The following TGFBR3 variants were observed in gnomAD, a reference collection of about 807,000 sequenced individuals.
TGFBR3 encodes the protein transforming growth factor beta receptor type 3.
TGFBR3 carries 46 observed loss-of-function variants against 87.9 expected under a neutral mutation model. The observed-to-expected ratio is 0.52, with a 90% CI of 0.41 to 0.67. The LOEUF (loss-of-function observed/expected upper bound fraction) is 0.67, where lower values mean the gene tolerates loss of function less well. TGFBR3 is among the 30% of genes least tolerant of loss of function. The pLI is 0.00. For missense variants in TGFBR3, 866 were observed against 1,041.9 expected (o/e 0.83, Z 2.32); for synonymous variants, 381 against 391.6 (o/e 0.97, Z 0.32).
chr1:91,872,706 G>T (rs1034572508), intron 1 of TGFBR3, among the ~76,000 whole-genome samples: 2 of 152,122 alleles, frequency 1.3e-5, no homozygotes, highest in African/African-American at 4.8e-5. Flanking sequence ...TTTCTTTAAC[G>T]TTGTGTTTGC....
intron 3 of TGFBR3, among the ~76,000 whole-genome samples, chr1:91,782,690 G>A (rs953766233): frequency 5.9e-5 from 9 of 151,976 alleles, no homozygotes; most frequent in Non-Finnish European, 1.2e-4. Context: ...CCAACTGTAG[G>A]TCATTAAAAG....
chr1:91,806,478 G>C (rs546444479), intron 2 of TGFBR3, among the ~76,000 whole-genome samples: 2 of 152,014 alleles, frequency 1.3e-5, no homozygotes, highest in South Asian at 2.1e-4. Flanking sequence ...ATACTGGCGG[G>C]GGGGGTAATG....
At position 91,882,138 on chromosome 1, in the gene TGFBR3, CTT is replaced by C. The variant is rs533806602; in HGVS notation, c.-114+3738_-114+3739del. On this transcript the variant is annotated intron_variant, in intron 1 of 16. Coordinates refer to ENST00000212355, the MANE Select transcript of TGFBR3 (RefSeq NM_003243.5). ...AAAACTACAGACAAAAATTGAAAACCTTTTTTTTTTTTTTTTTTGAGACAGAA... is the reference window on the plus strand; with the variant it reads ...AAAACTACAGACAAAAATTGAAAACCTTTTTTTTTTTTTTTTGAGACAGAA... 3.5e-3 allele frequency among the ~76,000 whole-genome samples: 451 copies of C among 129,546 alleles called. 4 individuals are homozygous for C. The highest frequency in any genetic ancestry group is 0.011 in the African/African-American group (388 of 34,360). 85.0% of individuals were successfully genotyped at this position (129,546 alleles called of 152,430 possible).
intron 1 of TGFBR3, among the ~76,000 whole-genome samples, chr1:91,904,600 T>C (rs1373693152): frequency 1.3e-5 from 2 of 149,688 alleles, no homozygotes; most frequent in African/African-American, 4.9e-5. Context: ...GTCTCACTCT[T>C]GTCACCCAGG....
chr1:91,720,181 C>CCGTA lies in TGFBR3; in HGVS notation c.1121_1124dup (p.Ile376ThrfsTer41). 1.9e-6 allele frequency: 3 copies of CCGTA among 1,612,694 alleles called. No homozygotes were observed. The highest frequency in any genetic ancestry group is 1.7e-6 in the Non-Finnish European group (2 of 1,179,416). ...GCAGGGCACCAGGGTCCAGCAGGAT[C>CCGTA]CGTAGCTCAGGAGGAATAGTGTGGA... On this transcript the variant is annotated frameshift_variant, in exon 9 of 17. Transcript: ENST00000212355. LOFTEE classifies it high-confidence loss of function.
chr1:91,903,200 G>A (rs879538746), intron 1 of TGFBR3, among the ~76,000 whole-genome samples: 14 of 151,140 alleles, frequency 9.3e-5, no homozygotes, highest in South Asian at 4.2e-4. Context: ...TTAGCCAGGC[G>A]TGGTAGTGTG....
chr1:91,688,072 C>A (rs1447901318), intron 16 of TGFBR3, among the ~76,000 whole-genome samples: 3 of 152,154 alleles, frequency 2.0e-5, no homozygotes, highest in African/African-American at 7.2e-5. Context: ...TTTCATTCCT[C>A]CCCAGCCTCC....
intron 5 of TGFBR3, among the ~76,000 whole-genome samples, chr1:91,731,360 C>T (rs1283712813): frequency 1.3e-5 from 2 of 152,162 alleles, no homozygotes. Flanking sequence ...CAGCACCACC[C>T]CAGAACAAAG....
rs1243597779 is a variant in TGFBR3 at position 91,767,556 on chromosome 1, G to A, written c.247-8806C>T. 4.5e-5 allele frequency among the ~76,000 whole-genome samples: 6 copies of A among 133,272 alleles called. 1 individual carries two copies. The highest frequency in any genetic ancestry group is 8.2e-5 in the Non-Finnish European group (5 of 60,766). The allele number at this position is 133,272 out of a possible 152,430, so 87.4% of individuals were successfully genotyped here. ...CTCTCATCAAAAGGAAGTGCTCTGC[G>A]TAATATCTAATTACTCCCATCTTAA... is the stretch of plus-strand genomic sequence containing the variant. On this transcript the variant is annotated intron_variant, in intron 3 of 16. Coordinates refer to ENST00000212355, the MANE Select transcript of TGFBR3 (RefSeq NM_003243.5).
intron 2 of TGFBR3, among the ~76,000 whole-genome samples, chr1:91,826,744 T>TTA (rs376770677): frequency 1.4e-5 from 2 of 139,398 alleles, no homozygotes; most frequent in Non-Finnish European, 3.0e-5. Context: ...CATCCACTAT[T>TTA]AAAAAAAAAA....
At chr1:91,902,459 T>C (rs535006549) in intron 1 of TGFBR3, among the ~76,000 whole-genome samples, 1 of 152,164 alleles carries the variant, frequency 6.6e-6, no homozygotes, top group East Asian at 1.9e-4. Flanking sequence ...TTTTTTTTAA[T>C]TTTTGTAGAG....
At chr1:91,728,923 G>A (rs934814828) in intron 6 of TGFBR3, among the ~76,000 whole-genome samples, 5 of 151,946 alleles carry the variant, frequency 3.3e-5, no homozygotes, top group East Asian at 1.9e-4. Context: ...AGGGAGGGTC[G>A]AATTTCCAAT....
chr1:91,798,387 G>T (rs1003099012), intron 2 of TGFBR3, among the ~76,000 whole-genome samples: 3 of 152,150 alleles, frequency 2.0e-5, no homozygotes, highest in Admixed American at 6.5e-5. Flanking sequence ...AGCACAGGAG[G>T]CCCTTCTTGA....
chr1:91,777,610 GC>G (rs1674611912), intron 3 of TGFBR3, among the ~76,000 whole-genome samples: 1 of 88,148 alleles, frequency 1.1e-5, no homozygotes, highest in Non-Finnish European at 2.3e-5. Flanking sequence ...CCCAGCCCTA[GC>G]CCCAGCCCCA....
intron 4 of TGFBR3, among the ~76,000 whole-genome samples, chr1:91,751,112 C>T (rs1352011285): frequency 1.3e-5 from 2 of 152,124 alleles, no homozygotes; most frequent in African/African-American, 2.4e-5. Flanking sequence ...AATGAACAAG[C>T]ACATACATAA....
chr1:91,813,368 T>C (rs1557724354), intron 2 of TGFBR3, among the ~76,000 whole-genome samples: 1 of 152,178 alleles, frequency 6.6e-6, no homozygotes, highest in African/African-American at 2.4e-5. Flanking sequence ...TTTCAGAAGT[T>C]CTAAGAGAAA....
chr1:91,875,715 T>G (rs1369201173), intron 1 of TGFBR3, among the ~76,000 whole-genome samples: 1 of 141,266 alleles, frequency 7.1e-6, no homozygotes, highest in Non-Finnish European at 1.5e-5. Context: ...TGGCAAAACC[T>G]TGTCTCTACT....
chr1:91,873,951 A>C (rs530968410), intron 1 of TGFBR3, among the ~76,000 whole-genome samples: 10 of 139,586 alleles, frequency 7.2e-5, no homozygotes, highest in South Asian at 2.1e-4. Flanking sequence ...CCCTGCCACA[A>C]AAAAAAAAAA....
rs749474625 is a variant in TGFBR3, at chr1:91,712,470, G to C, written c.1939C>G (p.Pro647Ala). 7 of 1,614,024 alleles carry C rather than the reference G, an allele frequency of 4.3e-6. No homozygotes were observed. The South Asian group carries it at 4.4e-5, about 10-fold the overall frequency. Residue 647 changes from proline (P) to alanine (A), a missense_variant, in exon 13 of 17, where the codon CCT becomes GCT. Transcript: ENST00000212355. ...QTCFISPYSN[P>A]DRMSHYTIIE... is the part of the protein sequence containing the mutation. ...ATGGTGTAATGAGACATCCTATCAG[G>C]GTTCGAATATGGAGAGATAAAGCAC...
Sources: gnomAD v4.1 joint callset for allele counts (sites outside exome capture counted in the v4.1 genomes callset) on GRCh38, gnomAD v4.1.1 for gene constraint, MANE v1.5 for transcripts, NCBI Gene and HGNC (gene_info 2026-07-23, HGNC 2026-07-21) for gene names.